The following ARHGEF26 variants were observed in gnomAD, a reference collection of about 807,000 sequenced individuals.
The protein encoded by ARHGEF26 is Rho guanine nucleotide exchange factor 26.
ARHGEF26 carries 59 observed loss-of-function variants against 89.4 expected under a neutral mutation model. The observed-to-expected ratio is 0.66, with a 90% CI of 0.54 to 0.82. The LOEUF (loss-of-function observed/expected upper bound fraction) is 0.82, where lower values mean the gene tolerates loss of function less well. Among genes scored for constraint, ARHGEF26 ranks in the 40% least tolerant of loss-of-function variants. The pLI is 0.00. For missense variants in ARHGEF26, 1,234 were observed against 1,085.6 expected (o/e 1.14, Z -1.92); for synonymous variants, 500 against 428.4 (o/e 1.17, Z -2.06).
At position 154,257,548 on chromosome 3, in the gene ARHGEF26, AATAC is replaced by A. The variant is rs1249001135; in HGVS notation, c.*2078_*2081del. The A allele has an allele frequency of 6.6e-6, 1 of 152,248 alleles. No homozygotes were observed. The highest frequency in any genetic ancestry group is 1.5e-5 in the Non-Finnish European group (1 of 68,050). 9.4% of individuals were successfully genotyped at this position (152,248 alleles called of 1,614,324 possible). A position where few individuals can be genotyped will look rare whatever the true frequency, so the allele number is the denominator to read the frequency against. On this transcript the variant is annotated 3_prime_UTR_variant, in exon 15 of 15. Transcript: ENST00000465093. ...TATAAGAATGTTAAACAGCTTTGGA[AATAC>A]ATGCATCTTATGAATCATAGCCTTA...
chr3:154,160,218 T>C (rs925921442), intron 6 of ARHGEF26, among the ~76,000 whole-genome samples: 17 of 152,178 alleles, frequency 1.1e-4, no homozygotes, highest in African/African-American at 3.1e-4. Flanking sequence ...TCAAAGTAAG[T>C]CTACGTGAGT....
intron 8 of ARHGEF26, among the ~76,000 whole-genome samples, chr3:154,193,897 C>A (rs761623635): frequency 3.3e-5 from 5 of 151,272 alleles, no homozygotes; most frequent in Non-Finnish European, 2.9e-5. Flanking sequence ...TGCAATGGTG[C>A]GATCTCGGCT....
intron 6 of ARHGEF26, among the ~76,000 whole-genome samples, chr3:154,185,944 C>A (rs1713498753): frequency 6.6e-6 from 1 of 152,166 alleles, no homozygotes; most frequent in African/African-American, 2.4e-5. Flanking sequence ...TTATTATTAC[C>A]ACACCTGTGT....
chr3:154,223,333 C>A (rs991363156), intron 10 of ARHGEF26, among the ~76,000 whole-genome samples: 3 of 152,114 alleles, frequency 2.0e-5, no homozygotes, highest in African/African-American at 7.2e-5. Flanking sequence ...TACTATATGA[C>A]CCAGCAGTTC....
At chr3:154,131,600 T>C (rs1718685873) in intron 4 of ARHGEF26, among the ~76,000 whole-genome samples, 1 of 152,176 alleles carries the variant, frequency 6.6e-6, no homozygotes, top group Non-Finnish European at 1.5e-5. Context: ...TTCATTCAGT[T>C]GTTGGTATGG....
intron 4 of ARHGEF26, among the ~76,000 whole-genome samples, chr3:154,141,839 A>G (rs1398778005): frequency 6.6e-6 from 1 of 152,198 alleles, no homozygotes; most frequent in East Asian, 1.9e-4. Context: ...CGATCACTTC[A>G]TGATAAGACT....
At chr3:154,163,820 G>A (rs1402504886) in intron 6 of ARHGEF26, among the ~76,000 whole-genome samples, 1 of 152,086 alleles carries the variant, frequency 6.6e-6, no homozygotes, top group Non-Finnish European at 1.5e-5. Flanking sequence ...CCAATGGTTT[G>A]GCATTGCAGT....
chr3:154,146,032 GA>G (rs1288765520), intron 4 of ARHGEF26, among the ~76,000 whole-genome samples: 2 of 151,904 alleles, frequency 1.3e-5, no homozygotes, highest in Non-Finnish European at 2.9e-5. Flanking sequence ...GAGAAGCTCA[GA>G]CCTGCAAAGT....
intron 9 of ARHGEF26, among the ~76,000 whole-genome samples, chr3:154,213,670 C>T (rs1455367992): frequency 1.3e-5 from 2 of 152,046 alleles, no homozygotes; most frequent in Non-Finnish European, 1.5e-5. Context: ...TGTGCTGGCT[C>T]ATGTCTGTAA....
chr3:154,240,069 A>C (rs1576818932), intron 11 of ARHGEF26, among the ~76,000 whole-genome samples: 1 of 152,316 alleles, frequency 6.6e-6, no homozygotes, highest in Admixed American at 6.5e-5. Flanking sequence ...AGCATGACCA[A>C]GATGCATGTA....
chr3:154,183,977 C>CTTTTTTTTTT lies in ARHGEF26; in HGVS notation c.1488-3704_1488-3695dup, dbSNP rs548153454. On this transcript the variant is annotated intron_variant, in intron 6 of 14. Transcript: ENST00000465093. ...GTTTCTTCTTTTTTCAATTTTCTTTCTTTTTTTTTTTTTGAGACGGAGTCT... is the reference window on the plus strand; with the variant it reads ...GTTTCTTCTTTTTTCAATTTTCTTTCTTTTTTTTTTTTTTTTTTTTTTTGAGACGGAGTCT... Among the ~76,000 whole-genome samples the CTTTTTTTTTT allele has an allele frequency of 8.6e-4, 120 of 140,300 alleles. 1 individual carries two copies. The highest frequency in any genetic ancestry group is 2.6e-3 in the African/African-American group (100 of 38,540). The allele number at this position is 140,300 out of a possible 152,430, so 92.0% of individuals were successfully genotyped here.
chr3:154,200,249 T>C (rs370615293), intron 9 of ARHGEF26, among the ~76,000 whole-genome samples: 14 of 152,280 alleles, frequency 9.2e-5, no homozygotes, highest in African/African-American at 3.1e-4. Context: ...TGGTAAGAGA[T>C]AGGGGTATAG....
intron 6 of ARHGEF26, among the ~76,000 whole-genome samples, chr3:154,168,432 C>A (rs1712193049): frequency 6.6e-6 from 1 of 152,032 alleles, no homozygotes; most frequent in Non-Finnish European, 1.5e-5. Context: ...CAAAAATTAG[C>A]CAGGCGTGGT....
In ARHGEF26 at chr3:154,256,488, C is replaced by T. The variant is rs946033706; in HGVS notation, c.*1015C>T. 2 of 932,274 alleles carry T rather than the reference C, an allele frequency of 2.1e-6. No individual in the cohort carries two copies. Among genetic ancestry groups the T allele is most frequent in the Middle Eastern group, 5.5e-4 (1 of 1,834 alleles). The allele number at this position is 932,274 out of a possible 1,614,324, so 57.8% of individuals were successfully genotyped here. A position where few individuals can be genotyped will look rare whatever the true frequency, so the allele number is the denominator to read the frequency against. ...ATCCACCAGAGAGGAGATCCTCGGC[C>T]TCCCCAAGTGCTGGGATTATAGGCA... On this transcript the variant is annotated 3_prime_UTR_variant, in exon 15 of 15. Transcript: ENST00000465093.
At chr3:154,251,739 A>T (rs1269802074) in intron 12 of ARHGEF26, among the ~76,000 whole-genome samples, 1 of 152,214 alleles carries the variant, frequency 6.6e-6, no homozygotes, top group African/African-American at 2.4e-5. Flanking sequence ...ATACAAAAGC[A>T]TACATACTAA....
chr3:154,184,131 C>G (rs962047141), intron 6 of ARHGEF26, among the ~76,000 whole-genome samples: 2 of 152,030 alleles, frequency 1.3e-5, no homozygotes, highest in Non-Finnish European at 2.9e-5. Context: ...TGCCACCACC[C>G]CCGGCTAATT....
chr3:154,243,290 G>A (rs1717587110), intron 12 of ARHGEF26, among the ~76,000 whole-genome samples: 1 of 152,214 alleles, frequency 6.6e-6, no homozygotes, highest in South Asian at 2.1e-4. Context: ...TGGTGAAAGT[G>A]TTGCTGGTTT....
intron 12 of ARHGEF26, among the ~76,000 whole-genome samples, chr3:154,252,845 C>G (rs1191098452): frequency 1.2e-4 from 19 of 152,152 alleles, no homozygotes; most frequent in Admixed American, 1.2e-3. Context: ...GTAATCAGCT[C>G]CTTATTAACT....
intron 6 of ARHGEF26, among the ~76,000 whole-genome samples, chr3:154,166,617 T>A (rs1286249358): frequency 1.3e-5 from 2 of 152,196 alleles, no homozygotes. Context: ...AGTTGTAGGC[T>A]GTTTGGCATG....
Sources: allele counts gnomAD v4.1 joint callset (sites outside exome capture counted in the v4.1 genomes callset), GRCh38; gene constraint gnomAD v4.1.1; transcripts MANE v1.5; gene names NCBI Gene and HGNC (gene_info 2026-07-23, HGNC 2026-07-21).